Variants in MYO1E observed in about 807,000 individuals in gnomAD.
MYO1E encodes the protein unconventional myosin-Ie.
Under a neutral mutation model 151.1 loss-of-function variants are expected in MYO1E, and 68 were observed. The observed-to-expected ratio is 0.45, with a 90% CI of 0.37 to 0.55. The LOEUF (loss-of-function observed/expected upper bound fraction) is 0.55. MYO1E is among the 20% of genes least tolerant of loss of function. The probability of loss-of-function intolerance (pLI) is 0.00; values close to 1 mark genes in which losing one functional copy is unlikely to be tolerated. For missense variants in MYO1E, 1,363 were observed against 1,389.3 expected (o/e 0.98, Z 0.30); for synonymous variants, 601 against 501.7 (o/e 1.20, Z -2.64).
intron 1 of MYO1E, among the ~76,000 whole-genome samples, chr15:59,289,987 C>T (rs1251057117): frequency 2.0e-5 from 3 of 152,188 alleles, no homozygotes; most frequent in Non-Finnish European, 4.4e-5. Context: ...GTTTGGGGAT[C>T]GGGGAACGGG....
intron 1 of MYO1E, among the ~76,000 whole-genome samples, chr15:59,313,533 G>C (rs2080566293): frequency 8.5e-6 from 1 of 117,782 alleles, no homozygotes; most frequent in African/African-American, 3.3e-5. Context: ...TCATCTTTCA[G>C]TGATCATTCT....
rs1299815104 is a variant in MYO1E, at chr15:59,136,200, A to G, written c.*1180T>C. 1.3e-5 allele frequency: 2 copies of G among 154,128 alleles called. No homozygotes were observed. The highest frequency in any genetic ancestry group is 2.4e-5 in the African/African-American group (1 of 41,468). 9.5% of individuals were successfully genotyped at this position (154,128 alleles called of 1,614,324 possible). ...CATCAGGACACCATTATATTGGATT[A>G]AGACCCACTCTAATGACTTCATTTT... is the stretch of plus-strand genomic sequence containing the variant. On this transcript the variant is annotated 3_prime_UTR_variant, in exon 28 of 28. Coordinates refer to ENST00000288235, the MANE Select transcript of MYO1E (RefSeq NM_004998.4).
chr15:59,242,707 C>T (rs1196609793), intron 4 of MYO1E, among the ~76,000 whole-genome samples: 1 of 152,046 alleles, frequency 6.6e-6, no homozygotes, highest in African/African-American at 2.4e-5. Flanking sequence ...AGAATATATC[C>T]CCACAAAATA....
rs182739324 is a variant in MYO1E at position 59,297,828 on chromosome 15, C to T, written c.4-25379G>A. On this transcript the variant is annotated intron_variant, in intron 1 of 27. Coordinates refer to ENST00000288235, the MANE Select transcript of MYO1E (RefSeq NM_004998.4). ...AACTCCTAAGCTCGAGTGATCCTCC[C>T]ACCGTGGGCTTTGAAAGTGCTGGGA... Among the ~76,000 whole-genome samples the T allele has an allele frequency of 3.9e-5, 6 of 152,130 alleles. No homozygotes were observed. In the East Asian group the frequency reaches 1.2e-3, roughly 29 times the overall value.
chr15:59,255,652 G>C (rs540779707), intron 4 of MYO1E, among the ~76,000 whole-genome samples: 1 of 152,220 alleles, frequency 6.6e-6, no homozygotes, highest in African/African-American at 2.4e-5. Context: ...AAGAAGAATT[G>C]TCTTGGGCCA....
rs2079639197 is a variant in MYO1E, at chr15:59,178,506, A to G, written c.1936T>C (p.Ser646Pro). The G allele has an allele frequency of 1.9e-6, 3 of 1,614,066 alleles. No homozygotes were observed. Among genetic ancestry groups the G allele is most frequent in the East Asian group, 2.2e-5 (1 of 44,902 alleles). ...CCTTGCTTCTCCTCTCCCTGCCAAG[A>G]AGGCCAGGTGGCTTTGGTCAGAATG... The part of the protein sequence containing the change: ...YAILTKATWP[S>P]WQGEEKQGVL... The change falls in exon 19 of 28, where the codon TCT becomes CCT. Residue 646 changes from serine to proline, a missense_variant. Ser to Pro is a moderately conservative substitution (Grantham distance 74, BLOSUM62 -1). Transcript: ENST00000288235.
chr15:59,300,131 A>C (rs866965571), intron 1 of MYO1E, among the ~76,000 whole-genome samples: 1 of 152,176 alleles, frequency 6.6e-6, no homozygotes. Flanking sequence ...TCATCTGGTG[A>C]AATCCTAAGA....
intron 3 of MYO1E, 81 bp downstream of exon 3, chr15:59,261,339 G>T: frequency 1.0e-6 from 1 of 987,836 alleles, no homozygotes; most frequent in Non-Finnish European, 1.6e-6. Context: ...AAGTGCAAAA[G>T]TACTGCTAAC....
intron 1 of MYO1E, among the ~76,000 whole-genome samples, chr15:59,372,233 G>C (rs938900347): frequency 6.6e-6 from 1 of 152,236 alleles, no homozygotes; most frequent in Middle Eastern, 3.4e-3. Context: ...GCTTCCGACA[G>C]CTGGCAGCCA....
intron 1 of MYO1E, among the ~76,000 whole-genome samples, chr15:59,319,326 G>T (rs1470068675): frequency 1.3e-5 from 2 of 151,870 alleles, no homozygotes; most frequent in Admixed American, 6.6e-5. Context: ...ACGAAAAAAA[G>T]AAAATTTAGT....
At chr15:59,277,564 A>AAAACAAAAAAAAAC (rs2080328143) in intron 1 of MYO1E, among the ~76,000 whole-genome samples, 6 of 139,792 alleles carry the variant, frequency 4.3e-5, no homozygotes, top group African/African-American at 1.4e-4. Context: ...AAAAAAAAAA[A>AAAACAAAAAAAAAC]AAAAAAAAAC....
At chr15:59,217,817 C>T (rs532820686) in intron 10 of MYO1E, 74 bp downstream of exon 10, 198 of 1,544,990 alleles carry the variant, frequency 1.3e-4, no homozygotes, top group African/African-American at 7.5e-4. Flanking sequence ...TGTGAGCCAC[C>T]GCACCCAGCC....
At chr15:59,228,464 T>C (rs1466303539) in intron 6 of MYO1E, among the ~76,000 whole-genome samples, 17 of 151,906 alleles carry the variant, frequency 1.1e-4, no homozygotes, top group Admixed American at 7.2e-4. Context: ...AGCGAGACTC[T>C]GTCCAAAAAC....
chr15:59,288,078 T>G (rs2080397861), intron 1 of MYO1E, among the ~76,000 whole-genome samples: 1 of 152,218 alleles, frequency 6.6e-6, no homozygotes, highest in African/African-American at 2.4e-5. Flanking sequence ...TTGCAAACAA[T>G]TATTCCTTAA....
chr15:59,291,869 A>G (rs2140397269), intron 1 of MYO1E, among the ~76,000 whole-genome samples: 1 of 152,070 alleles, frequency 6.6e-6, no homozygotes, highest in Non-Finnish European at 1.5e-5. Flanking sequence ...CAACAAAGAA[A>G]AGTTGTTTGA....
intron 1 of MYO1E, among the ~76,000 whole-genome samples, chr15:59,366,713 T>C (rs955896526): frequency 1.3e-5 from 2 of 151,916 alleles, no homozygotes; most frequent in Non-Finnish European, 2.9e-5. Context: ...GTCCCAAAGA[T>C]ATATGAAAAA....
At chr15:59,314,486 G>A (rs186268901) in intron 1 of MYO1E, among the ~76,000 whole-genome samples, 1 of 152,254 alleles carries the variant, frequency 6.6e-6, no homozygotes, top group Admixed American at 6.5e-5. Flanking sequence ...GATGGTTAAT[G>A]CCACCCTGCC....
chr15:59,207,192 C>T (rs143314524), intron 14 of MYO1E: 49 of 1,614,072 alleles, frequency 3.0e-5, no homozygotes, highest in South Asian at 5.5e-5. Context: ...GCATGGCCTG[C>T]GCTATCAGCA....
intron 12 of MYO1E, chr15:59,212,771 T>C (rs768085093): frequency 3.9e-5 from 6 of 152,194 alleles, no homozygotes; most frequent in Admixed American, 6.5e-5. Flanking sequence ...GGCTAAAATA[T>C]TGCCATTGCG....
Sources: gnomAD v4.1 joint callset for allele counts (sites outside exome capture counted in the v4.1 genomes callset) on GRCh38, gnomAD v4.1.1 for gene constraint, MANE v1.5 for transcripts, NCBI Gene and HGNC (gene_info 2026-07-23, HGNC 2026-07-21) for gene names.